The following SLC4A4 variants were observed in gnomAD, a reference collection of about 807,000 sequenced individuals.
SLC4A4 encodes solute carrier family 4 member 4.
SLC4A4 carries 27 observed loss-of-function variants against 111.5 expected under a neutral mutation model. The observed-to-expected ratio is 0.24, with a 90% CI of 0.18 to 0.33. The LOEUF is 0.33. Among genes scored for constraint, SLC4A4 ranks in the 10% least tolerant of loss-of-function variants. SLC4A4 has a pLI of 1.00. For synonymous variants in SLC4A4, 443 were observed against 463.4 expected (o/e 0.96, Z 0.57); for missense variants, 909 against 1,315.5 (o/e 0.69, Z 4.78).
At chr4:71,469,748 C>G (rs752664109) in intron 13 of SLC4A4, among the ~76,000 whole-genome samples, 1 of 151,928 alleles carries the variant, frequency 6.6e-6, no homozygotes, top group Non-Finnish European at 1.5e-5. Context: ...CTACACATAT[C>G]ACTTTCATAA....
intron 16 of SLC4A4, among the ~76,000 whole-genome samples, chr4:71,520,102 A>G (rs1163475625): frequency 1.3e-5 from 2 of 152,202 alleles, no homozygotes; most frequent in Non-Finnish European, 2.9e-5. Context: ...ATGCTTAAAC[A>G]TTATACATAA....
At chr4:71,155,604 A>G (rs1744435856) in intron 2 of SLC4A4, among the ~76,000 whole-genome samples, 1 of 152,028 alleles carries the variant, frequency 6.6e-6, no homozygotes, top group Non-Finnish European at 1.5e-5. Context: ...CTGGGACTAC[A>G]GGTGCTGCAT....
intron 2 of SLC4A4, among the ~76,000 whole-genome samples, chr4:71,142,045 T>C (rs1240020372): frequency 2.0e-5 from 3 of 152,224 alleles, no homozygotes; most frequent in Admixed American, 2.0e-4. Context: ...TCAGACCTGA[T>C]CTCAAACTTT....
Position 71,236,600 on chromosome 4 carries a change from C to T in SLC4A4, c.24C>T (p.Asp8=), listed in dbSNP as rs755086369. The change falls in exon 2 of 26, where the codon GAC becomes GAT. Residue 8 remains aspartate, a synonymous_variant. Coordinates refer to ENST00000264485, the MANE Select transcript of SLC4A4 (RefSeq NM_001098484.3). ...GGATGGAGGATGAAGCTGTCCTGGA[C>T]AGAGGGGCTTCCTTCCTCAAGCATG... is the stretch of plus-strand genomic sequence containing the variant. MEDEAVL[D]RGASFLKHVC... The T allele has an allele frequency of 1.2e-6, 2 of 1,613,688 alleles. No homozygotes were observed. Among genetic ancestry groups the T allele is most frequent in the Non-Finnish European group, 1.7e-6 (2 of 1,179,730 alleles).
intron 15 of SLC4A4, among the ~76,000 whole-genome samples, chr4:71,491,675 A>G (rs985221457): frequency 6.6e-6 from 1 of 151,822 alleles, no homozygotes; most frequent in African/African-American, 2.4e-5. Context: ...CTGGAATGAT[A>G]ATAATTATCT....
chr4:71,446,203 A>T (rs1002479208), intron 8 of SLC4A4, among the ~76,000 whole-genome samples: 2 of 152,178 alleles, frequency 1.3e-5, no homozygotes, highest in African/African-American at 4.8e-5. Flanking sequence ...GTAATTATAC[A>T]TTCAAGGGCA....
At chr4:71,555,265 T>C in intron 21 of SLC4A4, 57 bp downstream of exon 21, 1 of 1,114,412 alleles carries the variant, frequency 9.0e-7, no homozygotes, top group Non-Finnish European at 1.4e-6. Flanking sequence ...GTAAGAATAG[T>C]CCAGTAACAG....
intron 2 of SLC4A4, among the ~76,000 whole-genome samples, chr4:71,128,925 G>C (rs555511088): frequency 5.3e-5 from 8 of 152,096 alleles, no homozygotes; most frequent in Non-Finnish European, 1.0e-4. Flanking sequence ...TTTCAACTTC[G>C]AGTGTCTCCT....
At chr4:71,192,969 C>G (rs1364265530) in intron 1 of SLC4A4, among the ~76,000 whole-genome samples, 1 of 152,188 alleles carries the variant, frequency 6.6e-6, no homozygotes, top group Non-Finnish European at 1.5e-5. Flanking sequence ...TGTGTGACTT[C>G]TTTTGCTCAA....
intron 1 of SLC4A4, among the ~76,000 whole-genome samples, chr4:71,208,722 A>G (rs1175546509): frequency 6.6e-6 from 1 of 151,906 alleles, no homozygotes; most frequent in East Asian, 1.9e-4. Flanking sequence ...CTTCTATTTT[A>G]AATCACCTTT....
At chr4:71,353,522 A>G (rs1442255572) in intron 5 of SLC4A4, among the ~76,000 whole-genome samples, 1 of 152,246 alleles carries the variant, frequency 6.6e-6, no homozygotes, top group African/African-American at 2.4e-5. Flanking sequence ...AGGATAAAAC[A>G]TGAACGAAAC....
intron 7 of SLC4A4, among the ~76,000 whole-genome samples, chr4:71,423,757 A>G (rs1722798538): frequency 6.6e-6 from 1 of 152,230 alleles, no homozygotes; most frequent in Admixed American, 6.5e-5. Context: ...TCCCTATTTA[A>G]TAAATGGTGC....
chr4:71,309,931 C>A (rs961748511), intron 3 of SLC4A4, among the ~76,000 whole-genome samples: 1 of 151,864 alleles, frequency 6.6e-6, no homozygotes, highest in Admixed American at 6.6e-5. Flanking sequence ...CTCTAAGAAC[C>A]TTGACAAAAG....
chr4:71,162,230 C>T (rs1020273204), intron 2 of SLC4A4, among the ~76,000 whole-genome samples: 8 of 152,250 alleles, frequency 5.3e-5, no homozygotes, highest in Admixed American at 2.6e-4. Flanking sequence ...AATACCGTCA[C>T]TCCCACCACC....
At chr4:71,414,037 T>C (rs989701954) in intron 7 of SLC4A4, among the ~76,000 whole-genome samples, 1 of 152,226 alleles carries the variant, frequency 6.6e-6, no homozygotes, top group Non-Finnish European at 1.5e-5. Context: ...AAAGATGGTC[T>C]AATGCAGTGG....
intron 17 of SLC4A4, among the ~76,000 whole-genome samples, chr4:71,532,829 C>T (rs1369025582): frequency 6.6e-6 from 1 of 152,074 alleles, no homozygotes; most frequent in African/African-American, 2.4e-5. Context: ...ACCCAAGCCT[C>T]CAGAAGTCTA....
intron 2 of SLC4A4, among the ~76,000 whole-genome samples, chr4:71,253,433 T>A (rs577470448): frequency 6.6e-5 from 10 of 152,208 alleles, no homozygotes; most frequent in Non-Finnish European, 1.5e-4. Flanking sequence ...AGCCGCCATA[T>A]TTAATAAGGT....
In SLC4A4 at chr4:71,197,867, G is replaced by C. The variant is rs916008831; in HGVS notation, c.-2+10466G>C. The stretch of plus-strand genomic sequence containing the variant: ...ACCTACTAACTCTCTATTTTGGGGG[G>C]TTGTGGGTTTCCGTTGGAAAAGGTG... On this transcript the variant is annotated intron_variant, in intron 1 of 25. Coordinates refer to ENST00000264485, the MANE Select transcript of SLC4A4 (RefSeq NM_001098484.3). Among the ~76,000 whole-genome samples, 6 of 152,196 alleles carry C rather than the reference G, an allele frequency of 3.9e-5. 1 individual carries two copies. The highest frequency in any genetic ancestry group is 2.0e-4 in the Admixed American group (3 of 15,286).
At chr4:71,455,222 A>G (rs1726123807) in intron 12 of SLC4A4, among the ~76,000 whole-genome samples, 1 of 152,186 alleles carries the variant, frequency 6.6e-6, no homozygotes, top group African/African-American at 2.4e-5. Context: ...TTAGGAAATA[A>G]TATCGTGCTG....
Sources: allele counts gnomAD v4.1 joint callset (sites outside exome capture counted in the v4.1 genomes callset), GRCh38; gene constraint gnomAD v4.1.1; transcripts MANE v1.5; gene names NCBI Gene and HGNC (gene_info 2026-07-23, HGNC 2026-07-21).